DOCK2: variants seen among roughly 807,000 people sequenced by gnomAD.
The protein encoded by DOCK2 is dedicator of cytokinesis protein 2.
Under a neutral mutation model 248.9 loss-of-function variants are expected in DOCK2, and 87 were observed. That is an observed-to-expected ratio of 0.35 (90% CI 0.29 to 0.42). The LOEUF (loss-of-function observed/expected upper bound fraction) is 0.42. Among genes scored for constraint, DOCK2 ranks in the 10% least tolerant of loss-of-function variants. The probability of loss-of-function intolerance (pLI) is 1.00; values close to 1 mark genes in which losing one functional copy is unlikely to be tolerated. For synonymous variants in DOCK2, 805 were observed against 821.6 expected, an observed-to-expected ratio of 0.98 and a Z score of 0.35; for missense variants, 1,747 against 2,300.2, an observed-to-expected ratio of 0.76 and a Z score of 4.92.
intron 27 of DOCK2, among the ~76,000 whole-genome samples, chr5:169,903,010 A>G (rs1337212738): frequency 6.6e-6 from 1 of 152,066 alleles, no homozygotes; most frequent in Non-Finnish European, 1.5e-5. Context: ...AGGCAGGAGA[A>G]TCGCTTGAAC....
chr5:169,760,715 A>G (rs567067049), intron 24 of DOCK2, among the ~76,000 whole-genome samples: 1 of 152,166 alleles, frequency 6.6e-6, no homozygotes, highest in South Asian at 2.1e-4. Context: ...ATCGCTGTGT[A>G]TTGATTTGTT....
intron 27 of DOCK2, among the ~76,000 whole-genome samples, chr5:169,890,664 C>T (rs1185583129): frequency 6.6e-6 from 1 of 152,114 alleles, no homozygotes; most frequent in Admixed American, 6.5e-5. Flanking sequence ...CATGGGTTGA[C>T]TTGAGGAAAA....
intron 27 of DOCK2, among the ~76,000 whole-genome samples, chr5:169,940,529 A>G (rs1414708010): frequency 1.3e-5 from 2 of 152,284 alleles, no homozygotes; most frequent in Admixed American, 1.3e-4. Context: ...ACTCACCTTA[A>G]TGTAGAATCA....
chr5:169,748,590 C>T (rs1265146221), intron 23 of DOCK2, among the ~76,000 whole-genome samples: 3 of 152,184 alleles, frequency 2.0e-5, no homozygotes, highest in Non-Finnish European at 4.4e-5. Flanking sequence ...GTGTCTTCAA[C>T]ACTCAGAATA....
intron 36 of DOCK2, among the ~76,000 whole-genome samples, chr5:170,037,912 G>A (rs985530080): frequency 6.6e-6 from 1 of 152,192 alleles, no homozygotes; most frequent in Non-Finnish European, 1.5e-5. Flanking sequence ...TTCTGTCAGA[G>A]GGCAGAAACT....
chr5:170,039,958 G>A (rs941742380), intron 36 of DOCK2, among the ~76,000 whole-genome samples: 2 of 152,176 alleles, frequency 1.3e-5, no homozygotes, highest in Non-Finnish European at 2.9e-5. Context: ...GTGGTTCATT[G>A]CCTCTGGATT....
chr5:169,658,311 T>G (rs890283970), intron 2 of DOCK2, among the ~76,000 whole-genome samples: 20 of 151,952 alleles, frequency 1.3e-4, no homozygotes, highest in African/African-American at 4.6e-4. Flanking sequence ...AAACCCCATC[T>G]CTACTAAAAA....
At chr5:170,018,904 G>A in intron 32 of DOCK2, 56 bp from the exon 33 acceptor site, 2 of 1,590,552 alleles carry the variant, frequency 1.3e-6, no homozygotes, top group South Asian at 2.3e-5. Flanking sequence ...TTGGTCGGAG[G>A]AGGACCTGTG....
chr5:170,036,979 A>G (rs1196451077), intron 36 of DOCK2, among the ~76,000 whole-genome samples: 1 of 152,244 alleles, frequency 6.6e-6, no homozygotes, highest in Admixed American at 6.5e-5. Context: ...GCATCCTTGT[A>G]GGCATTTAAA....
At position 169,813,849 on chromosome 5, in the gene DOCK2, T is replaced by A. The variant is rs150245852; in HGVS notation, c.2703+10643T>A. Among the ~76,000 whole-genome samples, 863 of 152,204 alleles carry A rather than the reference T, an allele frequency of 5.7e-3. 10 individuals are homozygous for A. Among genetic ancestry groups the A allele is most frequent in the African/African-American group, 0.019 (803 of 41,510 alleles). On this transcript the variant is annotated intron_variant, in intron 26 of 51. Coordinates refer to ENST00000520908, the MANE Select transcript of DOCK2 (RefSeq NM_004946.3). ...TGCAGTAGGTGAGGGGTGGGGACAA[T>A]GAGTTGGGTACCATGGATTTGCTAT...
intron 27 of DOCK2, among the ~76,000 whole-genome samples, chr5:169,849,186 A>G (rs1237603321): frequency 6.6e-6 from 1 of 152,226 alleles, no homozygotes; most frequent in Non-Finnish European, 1.5e-5. Flanking sequence ...TAAAGCTATC[A>G]TTTAATGGCA....
intron 27 of DOCK2, among the ~76,000 whole-genome samples, chr5:169,973,535 G>A (rs549440702): frequency 1.3e-5 from 2 of 152,144 alleles, no homozygotes; most frequent in Non-Finnish European, 2.9e-5. Flanking sequence ...AGAACTGAGG[G>A]TCCAAGAGGT....
chr5:169,708,077 A>C (rs112748494), intron 14 of DOCK2, 92 bp from the exon 15 acceptor site: 21 of 1,364,738 alleles, frequency 1.5e-5, no homozygotes, highest in African/African-American at 1.1e-4. Flanking sequence ...CCCAGGCCCT[A>C]AGGCTGGTCG....
intron 27 of DOCK2, among the ~76,000 whole-genome samples, chr5:169,844,617 C>T (rs1471712759): frequency 6.6e-6 from 1 of 152,230 alleles, no homozygotes; most frequent in African/African-American, 2.4e-5. Flanking sequence ...ACATCCCCAC[C>T]AAGTCTTATT....
intron 27 of DOCK2, among the ~76,000 whole-genome samples, chr5:169,864,803 A>G (rs534760679): frequency 6.6e-6 from 1 of 152,328 alleles, no homozygotes; most frequent in East Asian, 1.9e-4. Context: ...TCATTATTAA[A>G]AAATTGAGAT....
chr5:170,024,368 T>TTC (rs1176042502), intron 33 of DOCK2, among the ~76,000 whole-genome samples: 6 of 148,332 alleles, frequency 4.0e-5, no homozygotes, highest in Non-Finnish European at 7.4e-5. Context: ...TTTTTTTTTT[T>TTC]TTTTTTTTTT....
intron 26 of DOCK2, among the ~76,000 whole-genome samples, chr5:169,818,678 C>T (rs1179741580): frequency 6.6e-6 from 1 of 152,038 alleles, no homozygotes; most frequent in Non-Finnish European, 1.5e-5. Context: ...TATTTGATGC[C>T]AGGGCCTTTC....
At chr5:169,796,829 GGAGA>G (rs1306224092) in intron 25 of DOCK2, among the ~76,000 whole-genome samples, 1 of 152,210 alleles carries the variant, frequency 6.6e-6, no homozygotes, top group South Asian at 2.1e-4. Context: ...TTCAGGAGAA[GGAGA>G]GAGTTTGTGG....
intron 2 of DOCK2, among the ~76,000 whole-genome samples, chr5:169,664,336 A>G (rs1758604751): frequency 6.6e-6 from 1 of 152,208 alleles, no homozygotes; most frequent in Non-Finnish European, 1.5e-5. Context: ...ACAAGTCTCT[A>G]GCAAGTTCCA....
Sources: allele counts gnomAD v4.1 joint callset (sites outside exome capture counted in the v4.1 genomes callset), GRCh38; gene constraint gnomAD v4.1.1; transcripts MANE v1.5; gene names NCBI Gene and HGNC (gene_info 2026-07-23, HGNC 2026-07-21).